Variants in IMMP2L observed in about 807,000 individuals in gnomAD.
IMMP2L encodes the protein inner mitochondrial membrane peptidase subunit 2.
Under a neutral mutation model 19.3 loss-of-function variants are expected in IMMP2L, and 18 were observed. That is an observed-to-expected ratio of 0.93 (90% CI 0.64 to 1.38). The LOEUF (loss-of-function observed/expected upper bound fraction) is 1.38, where lower values mean the gene tolerates loss of function less well. Ranked by LOEUF, IMMP2L falls within the 40% of genes most tolerant of loss-of-function variation. The pLI is 0.00. For missense variants in IMMP2L, 233 were observed against 218.2 expected, an observed-to-expected ratio of 1.07 and a Z score of -0.43; for synonymous variants, 76 against 73.0, an observed-to-expected ratio of 1.04 and a Z score of -0.21.
intron 3 of IMMP2L, among the ~76,000 whole-genome samples, chr7:111,451,803 G>C (rs1446442168): frequency 6.6e-6 from 1 of 151,142 alleles, no homozygotes; most frequent in East Asian, 1.9e-4. Context: ...AGGAAAGGAA[G>C]AAACCCTTTC....
At chr7:111,358,492 C>G (rs1434350669) in intron 3 of IMMP2L, among the ~76,000 whole-genome samples, 2 of 151,936 alleles carry the variant, frequency 1.3e-5, no homozygotes, top group African/African-American at 4.8e-5. Context: ...ACACAATAAT[C>G]TTTGGTTACC....
At chr7:111,367,834 G>C (rs1829918132) in intron 3 of IMMP2L, among the ~76,000 whole-genome samples, 1 of 151,852 alleles carries the variant, frequency 6.6e-6, no homozygotes, top group Admixed American at 6.6e-5. Context: ...ATTGAAAACA[G>C]AGGTAAAATG....
chr7:111,329,729 C>A (rs563968618), intron 3 of IMMP2L, among the ~76,000 whole-genome samples: 1 of 151,826 alleles, frequency 6.6e-6, no homozygotes, highest in Admixed American at 6.6e-5. Flanking sequence ...GAGAACATTT[C>A]GAATTACATA....
chr7:111,269,423 C>A (rs1048936323), intron 3 of IMMP2L, among the ~76,000 whole-genome samples: 3 of 151,980 alleles, frequency 2.0e-5, no homozygotes, highest in Admixed American at 1.3e-4. Context: ...TGCAAGTATG[C>A]AAATAAATGT....
chr7:111,234,317 T>G (rs920685509), intron 3 of IMMP2L, among the ~76,000 whole-genome samples: 1 of 152,102 alleles, frequency 6.6e-6, no homozygotes, highest in South Asian at 2.1e-4. Flanking sequence ...TTACACCAGA[T>G]TCATAGGGTT....
intron 3 of IMMP2L, among the ~76,000 whole-genome samples, chr7:111,034,302 C>A (rs997308575): frequency 6.6e-6 from 1 of 151,934 alleles, no homozygotes; most frequent in African/African-American, 2.4e-5. Flanking sequence ...TAAAAAAAGA[C>A]AGACATGTAC....
At chr7:111,377,420 A>G (rs550526396) in intron 3 of IMMP2L, among the ~76,000 whole-genome samples, 2 of 151,900 alleles carry the variant, frequency 1.3e-5, no homozygotes, top group African/African-American at 4.8e-5. Flanking sequence ...GTACAGCTCT[A>G]TAGTATAGTA....
At chr7:111,098,616 C>G (rs186789445) in intron 3 of IMMP2L, among the ~76,000 whole-genome samples, 1 of 151,740 alleles carries the variant, frequency 6.6e-6, no homozygotes, top group Admixed American at 6.6e-5. Flanking sequence ...TTACAACATA[C>G]AAGCATTTTC....
chr7:111,511,092 T>A (rs1205229849), intron 2 of IMMP2L, among the ~76,000 whole-genome samples: 2 of 152,022 alleles, frequency 1.3e-5, no homozygotes, highest in Non-Finnish European at 2.9e-5. Flanking sequence ...ACCTCTGATA[T>A]CAGGAAAGAT....
At chr7:111,145,067 GT>G (rs1180301926) in intron 3 of IMMP2L, among the ~76,000 whole-genome samples, 1 of 152,048 alleles carries the variant, frequency 6.6e-6, no homozygotes, top group Non-Finnish European at 1.5e-5. Context: ...GTTGTGTAGA[GT>G]TTGGGAAAAG....
At chr7:110,754,389 G>C (rs1342858963) in intron 5 of IMMP2L, among the ~76,000 whole-genome samples, 2 of 152,012 alleles carry the variant, frequency 1.3e-5, no homozygotes, top group South Asian at 2.1e-4. Flanking sequence ...TGTAGAAGTA[G>C]AGTACAGTTT....
At chr7:110,880,244 C>T (rs1333930638) in intron 5 of IMMP2L, among the ~76,000 whole-genome samples, 1 of 151,906 alleles carries the variant, frequency 6.6e-6, no homozygotes, top group African/African-American at 2.4e-5. Flanking sequence ...ATTTATGGCT[C>T]CTTTATGCAA....
chr7:110,814,640 G>T (rs1802324967), intron 5 of IMMP2L, among the ~76,000 whole-genome samples: 1 of 147,882 alleles, frequency 6.8e-6, no homozygotes, highest in Admixed American at 6.8e-5. Flanking sequence ...TAAGAGAAAT[G>T]GACTTACTCT....
intron 3 of IMMP2L, among the ~76,000 whole-genome samples, chr7:111,330,686 G>C (rs761868804): frequency 4.0e-5 from 6 of 151,770 alleles, no homozygotes; most frequent in Non-Finnish European, 7.4e-5. Context: ...TCCAACAAGA[G>C]GTTAGTATAC....
At chr7:111,440,354 A>C (rs80334660) in intron 3 of IMMP2L, among the ~76,000 whole-genome samples, 26 of 152,046 alleles carry the variant, frequency 1.7e-4, no homozygotes, top group African/African-American at 6.0e-4. Flanking sequence ...TAGAAAGCCA[A>C]AATTATTCCG....
chr7:111,364,734 G>A (rs1466447495), intron 3 of IMMP2L, among the ~76,000 whole-genome samples: 3 of 151,742 alleles, frequency 2.0e-5, no homozygotes, highest in African/African-American at 4.8e-5. Flanking sequence ...ACTTTGGGAC[G>A]CCAAGGCAGG....
intron 4 of IMMP2L, among the ~76,000 whole-genome samples, chr7:110,900,949 T>C (rs1247032552): frequency 6.6e-6 from 1 of 152,074 alleles, no homozygotes; most frequent in East Asian, 1.9e-4. Context: ...ACACTGGCCT[T>C]TTCAATGTTC....
chr7:111,263,500 T>C (rs892058569), intron 3 of IMMP2L, among the ~76,000 whole-genome samples: 1 of 152,096 alleles, frequency 6.6e-6, no homozygotes, highest in Non-Finnish European at 1.5e-5. Flanking sequence ...CTTCTTTGGA[T>C]ATACTGGGTT....
chr7:110,752,856 G>A (rs1010024988), intron 5 of IMMP2L, among the ~76,000 whole-genome samples: 1 of 152,018 alleles, frequency 6.6e-6, no homozygotes, highest in South Asian at 2.1e-4. Flanking sequence ...ACAGATTATT[G>A]AATATTACAG....
Sources: gnomAD v4.1 joint callset for allele counts (sites outside exome capture counted in the v4.1 genomes callset) on GRCh38, gnomAD v4.1.1 for gene constraint, MANE v1.5 for transcripts, NCBI Gene and HGNC (gene_info 2026-07-23, HGNC 2026-07-21) for gene names.